ITGAE: variants seen among roughly 807,000 people sequenced by gnomAD.
The protein encoded by ITGAE is integrin alpha-E.
In ITGAE, 99 loss-of-function variants were observed where a neutral mutation model predicts 136.5. The observed-to-expected ratio is 0.73, with a 90% CI of 0.62 to 0.86. The LOEUF (loss-of-function observed/expected upper bound fraction) is 0.86, where lower values mean the gene tolerates loss of function less well. ITGAE is among the 40% of genes least tolerant of loss of function. ITGAE has a pLI of 0.00. For synonymous variants in ITGAE, 613 were observed against 591.8 expected (o/e 1.04, Z -0.52); for missense variants, 1,447 against 1,515.3 (o/e 0.95, Z 0.75).
intron 26 of ITGAE, chr17:3,724,934 A>G: frequency 1.2e-6 from 2 of 1,613,728 alleles, no homozygotes; most frequent in South Asian, 1.1e-5. Flanking sequence ...GGCTGGAGAG[A>G]ACTAGATCAA....
Position 3,761,494 on chromosome 17 carries a change from C to G in ITGAE, c.342G>C (p.Arg114=), listed in dbSNP as rs766690672. Residue 114 remains arginine (R), a synonymous_variant, in exon 5 of 31, where the codon CGG becomes CGC. Transcript: ENST00000263087. ...TGAGTTCTGAGCTGAGGCTGTGAGG[C>G]CGCCGGACCAGCACTTGAATGCATA... is the stretch of plus-strand genomic sequence containing the variant. ...VLICIQVLVR[R]PHSLSSELTG... 1.2e-6 allele frequency: 2 copies of G among 1,613,868 alleles called. No homozygotes were observed. The highest frequency in any genetic ancestry group is 3.3e-5 in the Admixed American group (2 of 59,982).
At position 3,761,189 on chromosome 17, in the gene ITGAE, C is replaced by T; in HGVS notation, c.434-12G>A. 1.3e-6 allele frequency: 2 copies of T among 1,504,798 alleles called. No individual in the cohort carries two copies. The highest frequency in any genetic ancestry group is 2.3e-5 in the South Asian group (2 of 88,750). The allele number at this position is 1,504,798 out of a possible 1,614,324, so 93.2% of individuals were successfully genotyped here. On this transcript the variant is annotated splice_polypyrimidine_tract_variant and intron_variant, in intron 5 of 30. Transcript: ENST00000263087. ...ATCCAGGAGATTTTCTTTAAAAACACACATGGAAGAGCTCAGAGTCAGAAA... is the reference window on the plus strand; with the variant it reads ...ATCCAGGAGATTTTCTTTAAAAACATACATGGAAGAGCTCAGAGTCAGAAA...
At chr17:3,755,331 C>G in intron 11 of ITGAE, 70 bp from the exon 12 acceptor site, 1 of 1,449,868 alleles carries the variant, frequency 6.9e-7, no homozygotes, top group Non-Finnish European at 9.1e-7. Context: ...GGCCGCGGGT[C>G]TCCGGGCCAG....
In ITGAE at chr17:3,758,448, T is replaced by A. The variant is rs1005100660; in HGVS notation, c.867-589A>T. Among the ~76,000 whole-genome samples, 81 of 151,862 alleles carry A rather than the reference T, an allele frequency of 5.3e-4. 1 individual carries two copies. Among genetic ancestry groups the A allele is most frequent in the African/African-American group, 1.4e-3 (58 of 41,444 alleles). ...ATTATTCTCATTTTATTTATTTATT[T>A]TTATTATTATTATTATTGAGATAGA... On this transcript the variant is annotated intron_variant, in intron 8 of 30. Transcript: ENST00000263087.
intron 2 of ITGAE, among the ~76,000 whole-genome samples, chr17:3,769,984 T>G (rs138292482): frequency 1.7e-4 from 26 of 152,332 alleles, no homozygotes; most frequent in African/African-American, 5.5e-4. Flanking sequence ...CGAGCCACCA[T>G]GCCTGACCTT....
At chr17:3,793,262 C>T (rs949826572) in intron 1 of ITGAE, among the ~76,000 whole-genome samples, 1 of 152,132 alleles carries the variant, frequency 6.6e-6, no homozygotes, top group Non-Finnish European at 1.5e-5. Flanking sequence ...CCATATTGGC[C>T]AGGCTGGTCT....
Position 3,723,323 on chromosome 17 carries a change from CGG to C in ITGAE, c.3200_3201del (p.Thr1067SerfsTer11). ...TGATCCCAGGAGATCTCTGCAGCCACGGTGACATTTTCTTTATCTGAAGCGAT... is the reference window on the plus strand; with the variant it reads ...TGATCCCAGGAGATCTCTGCAGCCACTGACATTTTCTTTATCTGAAGCGAT... ...CVIASDKENV[T>X]VAAEISWDHS... is the part of the protein sequence containing the mutation. On this transcript the variant is annotated frameshift_variant, in exon 28 of 31. Coordinates refer to ENST00000263087, the MANE Select transcript of ITGAE (RefSeq NM_002208.5). LOFTEE classifies it high-confidence loss of function. 1 of 1,613,804 alleles carries C rather than the reference CGG, an allele frequency of 6.2e-7. No homozygotes were observed. The highest frequency in any genetic ancestry group is 8.5e-7 in the Non-Finnish European group (1 of 1,179,678).
rs532904953 is a variant in ITGAE, at chr17:3,785,591, C to T, written c.35-7931G>A. On this transcript the variant is annotated intron_variant, in intron 1 of 30. Transcript: ENST00000263087. ...AAATCTGAACCTCGTGAAAATTAAGCAATGCATTTCTAAATAACCCAGGGT... is the reference window on the plus strand; with the variant it reads ...AAATCTGAACCTCGTGAAAATTAAGTAATGCATTTCTAAATAACCCAGGGT... 2.0e-5 allele frequency among the ~76,000 whole-genome samples: 3 copies of T among 151,602 alleles called. No individual in the cohort carries two copies. In the South Asian group the frequency reaches 6.2e-4, roughly 32 times the overall value.
intron 26 of ITGAE, chr17:3,725,963 C>T (rs149953458): frequency 3.7e-6 from 6 of 1,613,798 alleles, no homozygotes; most frequent in Non-Finnish European, 5.1e-6. Flanking sequence ...GCAGCACTAT[C>T]CCCAGCTGTG....
At chr17:3,762,671 C>G (rs964267022) in intron 3 of ITGAE, among the ~76,000 whole-genome samples, 3 of 147,196 alleles carry the variant, frequency 2.0e-5, no homozygotes, top group Middle Eastern at 7.2e-3. Flanking sequence ...AATCTCGGCT[C>G]ACTGCAAGCT....
chr17:3,783,134 C>T (rs907499408), intron 1 of ITGAE, among the ~76,000 whole-genome samples: 1 of 151,992 alleles, frequency 6.6e-6, no homozygotes, highest in Admixed American at 6.6e-5. Context: ...TTTGCTATGA[C>T]TTTATTTTTT....
At chr17:3,758,272 G>A (rs915225964) in intron 8 of ITGAE, among the ~76,000 whole-genome samples, 6 of 151,996 alleles carry the variant, frequency 3.9e-5, no homozygotes, top group East Asian at 1.9e-4. Context: ...TAGAGACGGC[G>A]TCTCACTCTG....
intron 21 of ITGAE, among the ~76,000 whole-genome samples, chr17:3,734,044 G>A (rs558459882): frequency 3.3e-5 from 5 of 152,250 alleles, no homozygotes; most frequent in South Asian, 4.1e-4. Flanking sequence ...AATTACCGAC[G>A]TAACTACTTC....
At chr17:3,716,589 G>C in intron 30 of ITGAE, 99 bp downstream of exon 30, 1 of 724,154 alleles carries the variant, frequency 1.4e-6, no homozygotes. Context: ...ACGAGGCCAG[G>C]GCAGCTGCTC....
At chr17:3,792,525 A>T (rs1434694206) in intron 1 of ITGAE, among the ~76,000 whole-genome samples, 3 of 152,214 alleles carry the variant, frequency 2.0e-5, no homozygotes, top group Non-Finnish European at 4.4e-5. Flanking sequence ...CGCTTAAAAT[A>T]ATGGGGCAGG....
At position 3,747,285 on chromosome 17, in the gene ITGAE, A is replaced by T. The variant is rs112151930; in HGVS notation, c.2155+637T>A. Among the ~76,000 whole-genome samples the T allele has an allele frequency of 9.2e-3, 1,396 of 151,860 alleles. 14 individuals carry two copies. The highest frequency in any genetic ancestry group is 0.047 in the South Asian group (227 of 4,804). The stretch of plus-strand genomic sequence containing the variant: ...CAGAAGCCCCCGCACACACGCACAC[A>T]CGTGGGCATGGAGAAATGGCTGCCT... On this transcript the variant is annotated intron_variant, in intron 17 of 30. Coordinates refer to ENST00000263087, the MANE Select transcript of ITGAE (RefSeq NM_002208.5).
chr17:3,761,226 C>T lies in ITGAE; in HGVS notation c.434-49G>A, dbSNP rs151157431. ...CTCAGAGTCAGAAAGGCTCCATCCT[C>T]GCCTGAGCACGCTCACACATGGTTC... On this transcript the variant is annotated intron_variant, in intron 5 of 30. Transcript: ENST00000263087. 1,070 of 1,588,616 alleles carry T rather than the reference C, an allele frequency of 6.7e-4. 5 individuals are homozygous for T. The African/African-American group carries it at 7.0e-3, about 10-fold the overall frequency.
chr17:3,757,992 G>T, intron 8 of ITGAE, 133 bp from the exon 9 acceptor site: 1 of 1,061,724 alleles, frequency 9.4e-7, no homozygotes, highest in Non-Finnish European at 1.4e-6. Context: ...AGAGAAGGGG[G>T]TGATGCCCCC....
chr17:3,750,177 G>GCACA (rs34255598), intron 16 of ITGAE, among the ~76,000 whole-genome samples, 175 bp downstream of exon 16: 18,957 of 152,160 alleles, frequency 0.12, 1,326 homozygotes, highest in African/African-American at 0.18. Context: ...CTGCCCAAAG[G>GCACA]CTGAGAGGGC....
Sources: gnomAD v4.1 joint callset for allele counts (sites outside exome capture counted in the v4.1 genomes callset) on GRCh38, gnomAD v4.1.1 for gene constraint, MANE v1.5 for transcripts, NCBI Gene and HGNC (gene_info 2026-07-23, HGNC 2026-07-21) for gene names.